ARNT2: variants seen among roughly 807,000 people sequenced by gnomAD.
ARNT2 encodes the protein aryl hydrocarbon receptor nuclear translocator 2, also known as ARNT protein 2.
In ARNT2, 36 loss-of-function variants were observed where a neutral mutation model predicts 91.7. That is an observed-to-expected ratio of 0.39 (90% CI 0.30 to 0.52). ARNT2 has a LOEUF of 0.52. Among genes scored for constraint, ARNT2 ranks in the 20% least tolerant of loss-of-function variants. ARNT2 has a pLI of 0.72. For synonymous variants in ARNT2, 365 were observed against 347.1 expected, an observed-to-expected ratio of 1.05 and a Z score of -0.57; for missense variants, 775 against 939.3, an observed-to-expected ratio of 0.83 and a Z score of 2.29.
At chr15:80,479,352 C>G (rs745761665) in intron 5 of ARNT2, among the ~76,000 whole-genome samples, 6 of 152,196 alleles carry the variant, frequency 3.9e-5, no homozygotes, top group Non-Finnish European at 5.9e-5. Flanking sequence ...TATATACAGT[C>G]TCCTTAGAAA....
chr15:80,408,607 G>A (rs1283199548), intron 1 of ARNT2, among the ~76,000 whole-genome samples: 1 of 152,218 alleles, frequency 6.6e-6, no homozygotes, highest in Non-Finnish European at 1.5e-5. Context: ...GAGCCTTTGA[G>A]ACGTGTGCGC....
At chr15:80,579,661 C>T (rs1357745025) in intron 15 of ARNT2, among the ~76,000 whole-genome samples, 2 of 152,186 alleles carry the variant, frequency 1.3e-5, no homozygotes, top group African/African-American at 2.4e-5. Context: ...TAAAAGTCTG[C>T]CCCCAGCCTT....
intron 5 of ARNT2, among the ~76,000 whole-genome samples, chr15:80,503,895 T>C (rs1471488316): frequency 2.6e-5 from 4 of 152,218 alleles, no homozygotes; most frequent in Non-Finnish European, 5.9e-5. Flanking sequence ...CCATGCAGTC[T>C]GCAGAGCCCT....
chr15:80,589,389 A>T (rs950817920), intron 17 of ARNT2, among the ~76,000 whole-genome samples: 7 of 152,126 alleles, frequency 4.6e-5, no homozygotes, highest in Admixed American at 2.0e-4. Context: ...AAAGGGAAGG[A>T]GAGGTAGGTA....
chr15:80,577,601 G>T (rs1478915083), intron 15 of ARNT2, among the ~76,000 whole-genome samples: 1 of 152,220 alleles, frequency 6.6e-6, no homozygotes, highest in African/African-American at 2.4e-5. Context: ...GCACTCACCT[G>T]TGCCCACCAG....
At chr15:80,542,675 G>C (rs57087680) in intron 8 of ARNT2, among the ~76,000 whole-genome samples, 50,191 of 152,034 alleles carry the variant, frequency 0.33, 8,734 homozygotes, top group African/African-American at 0.37. Flanking sequence ...CATTGAATGA[G>C]GAACAAATGA....
At position 80,497,635 on chromosome 15, in the gene ARNT2, T is replaced by A. The variant is rs543177042; in HGVS notation, c.623-10521T>A. On this transcript the variant is annotated intron_variant, in intron 5 of 18. Transcript: ENST00000303329. ...AAGCTGCTGAGTTGCTACATGGCCA[T>A]GGAAACTAATATAGATACCATTCTG... Among the ~76,000 whole-genome samples the A allele has an allele frequency of 2.6e-5, 4 of 152,328 alleles. No homozygotes were observed. In the South Asian group the frequency reaches 8.3e-4, roughly 32 times the overall value.
intron 12 of ARNT2, among the ~76,000 whole-genome samples, chr15:80,571,986 A>T (rs1246950392): frequency 6.6e-6 from 1 of 152,084 alleles, no homozygotes; most frequent in African/African-American, 2.4e-5. Flanking sequence ...TAATGTAAAC[A>T]CCTGTCCATT....
At chr15:80,414,769 T>C (rs566653181) in intron 1 of ARNT2, among the ~76,000 whole-genome samples, 1,342 of 72,774 alleles carry the variant, frequency 0.018, 25 homozygotes, top group African/African-American at 0.1. Flanking sequence ...CTCTCTCTCT[T>C]TTTTTTTTTT....
At chr15:80,493,573 G>A (rs1372535217) in intron 5 of ARNT2, among the ~76,000 whole-genome samples, 1 of 151,956 alleles carries the variant, frequency 6.6e-6, no homozygotes, top group Non-Finnish European at 1.5e-5. Flanking sequence ...GTGATATGAG[G>A]GGGCTCTGCC....
chr15:80,551,131 T>C (rs1027437482), intron 8 of ARNT2, 68 bp from the exon 9 acceptor site: 17 of 1,480,208 alleles, frequency 1.1e-5, no homozygotes, highest in Non-Finnish European at 1.6e-5. Flanking sequence ...AATAAAATCG[T>C]GGACACTTTT....
chr15:80,505,428 G>A (rs1375081126), intron 5 of ARNT2, among the ~76,000 whole-genome samples: 1 of 152,204 alleles, frequency 6.6e-6, no homozygotes, highest in Non-Finnish European at 1.5e-5. Context: ...TACACAGGAA[G>A]TAGAATTGAT....
At chr15:80,486,383 G>C (rs768312287) in intron 5 of ARNT2, among the ~76,000 whole-genome samples, 3 of 152,162 alleles carry the variant, frequency 2.0e-5, no homozygotes, top group Non-Finnish European at 4.4e-5. Flanking sequence ...GGAGGGAAGT[G>C]GTTAACTTCA....
At chr15:80,521,400 A>G (rs142880085) in intron 8 of ARNT2, among the ~76,000 whole-genome samples, 99 of 152,268 alleles carry the variant, frequency 6.5e-4, no homozygotes, top group African/African-American at 2.3e-3. Flanking sequence ...AATCCAACAA[A>G]TTTACTGGTA....
intron 10 of ARNT2, 124 bp from the exon 11 acceptor site, chr15:80,554,941 T>G: frequency 1.0e-6 from 1 of 993,594 alleles, no homozygotes; most frequent in Non-Finnish European, 1.5e-6. Context: ...TCAAAAAATC[T>G]GGGGTGGGAC....
At chr15:80,559,450 A>G (rs1898279034) in intron 11 of ARNT2, among the ~76,000 whole-genome samples, 2 of 152,330 alleles carry the variant, frequency 1.3e-5, no homozygotes, top group African/African-American at 4.8e-5. Context: ...CCGGCCACTG[A>G]CAGCCAAGGT....
chr15:80,551,158 C>A, intron 8 of ARNT2, 41 bp from the exon 9 acceptor site: 2 of 1,571,780 alleles, frequency 1.3e-6, no homozygotes, highest in Non-Finnish European at 1.7e-6. Flanking sequence ...TCCCATTCAC[C>A]TTGGGCATAT....
intron 2 of ARNT2, among the ~76,000 whole-genome samples, chr15:80,454,850 A>C (rs960422200): frequency 6.6e-6 from 1 of 152,238 alleles, no homozygotes; most frequent in Non-Finnish European, 1.5e-5. Context: ...AATGCTTATC[A>C]TGGCTTTCTG....
intron 5 of ARNT2, among the ~76,000 whole-genome samples, chr15:80,502,231 G>A (rs1255588129): frequency 1.3e-5 from 2 of 152,234 alleles, no homozygotes; most frequent in Non-Finnish European, 2.9e-5. Flanking sequence ...CTGTTTGATT[G>A]TACCATTTCA....
Sources: gnomAD v4.1 joint callset for allele counts (sites outside exome capture counted in the v4.1 genomes callset) on GRCh38, gnomAD v4.1.1 for gene constraint, MANE v1.5 for transcripts, NCBI Gene and HGNC (gene_info 2026-07-23, HGNC 2026-07-21) for gene names.